Variants in PHLDB3 observed in about 807,000 individuals in gnomAD.
The protein encoded by PHLDB3 is pleckstrin homology-like domain family B member 3.
PHLDB3 carries 86 observed loss-of-function variants against 85.7 expected under a neutral mutation model. The observed-to-expected ratio is 1.00, with a 90% CI of 0.84 to 1.20. The LOEUF (loss-of-function observed/expected upper bound fraction) is 1.20, where lower values mean the gene tolerates loss of function less well. PHLDB3 is among the 50% of genes most tolerant of loss of function. The probability of loss-of-function intolerance (pLI) is 0.00; values close to 1 mark genes in which losing one functional copy is unlikely to be tolerated. For synonymous variants in PHLDB3, 376 were observed against 349.8 expected, an observed-to-expected ratio of 1.07 and a Z score of -0.83; for missense variants, 995 against 873.0, an observed-to-expected ratio of 1.14 and a Z score of -1.76.
intron 15 of PHLDB3, among the ~76,000 whole-genome samples, chr19:43,476,460 CAG>C (rs1325929565): frequency 3.3e-5 from 5 of 152,006 alleles, no homozygotes; most frequent in African/African-American, 4.8e-5. Context: ...GCCTGGGCAA[CAG>C]AGGGAGACCC....
intron 9 of PHLDB3, among the ~76,000 whole-genome samples, chr19:43,493,976 G>A (rs1008719537): frequency 1.3e-5 from 2 of 152,196 alleles, no homozygotes; most frequent in African/African-American, 4.8e-5. Context: ...CATTTCCTTG[G>A]AGTATCATGT....
chr19:43,491,948 T>G (rs12984594), intron 9 of PHLDB3, among the ~76,000 whole-genome samples: 3,532 of 56,318 alleles, frequency 0.063, 340 homozygotes, highest in African/African-American at 0.19. Context: ...CCTGGCCGTT[T>G]TTTTTTTTTT....
At chr19:43,502,644 G>T (rs546373276) in intron 2 of PHLDB3, among the ~76,000 whole-genome samples, 8 of 142,222 alleles carry the variant, frequency 5.6e-5, no homozygotes, top group Non-Finnish European at 1.1e-4. Context: ...TTGGCAGAGA[G>T]GGGGCGATGC....
In PHLDB3 at chr19:43,497,818, C is replaced by A. The variant is rs146405145; in HGVS notation, c.593G>T (p.Arg198Leu). The A allele has an allele frequency of 6.4e-7, 1 of 1,565,162 alleles. No homozygotes were observed. The change falls in exon 5 of 16, where the codon CGC becomes CTC. Residue 198 changes from arginine to leucine, a missense_variant. Physicochemically the swap from Arg to Leu is moderately radical, Grantham distance 102. Transcript: ENST00000292140. ...TGAGTCGAGCTGTCCCTGGGCCTTGCGGAGTCTCTGGCGAAGACCCTCTAG... is the reference window on the plus strand; with the variant it reads ...TGAGTCGAGCTGTCCCTGGGCCTTGAGGAGTCTCTGGCGAAGACCCTCTAG... ...DRLEGLRQRL[R>L]KAQGQLDSQP...
At chr19:43,486,422 C>T (rs1056073940) in intron 12 of PHLDB3, 100 bp from the exon 13 acceptor site, 11 of 1,310,862 alleles carry the variant, frequency 8.4e-6, no homozygotes, top group African/African-American at 1.5e-5. Flanking sequence ...GGTACAGGGA[C>T]TGGGGGCCTG....
chr19:43,495,044 G>GAGGGGC (rs1303046918), intron 8 of PHLDB3, among the ~76,000 whole-genome samples: 10 of 151,558 alleles, frequency 6.6e-5, no homozygotes, highest in Admixed American at 6.6e-4. Flanking sequence ...TCTGAGGGAG[G>GAGGGGC]TGGGGCTGGG....
intron 13 of PHLDB3, among the ~76,000 whole-genome samples, chr19:43,485,204 G>A (rs951090459): frequency 3.3e-5 from 5 of 151,178 alleles, no homozygotes; most frequent in African/African-American, 9.7e-5. Context: ...TATTTCTATC[G>A]TAAAAAGGTT....
At chr19:43,491,862 G>T (rs1191663835) in intron 9 of PHLDB3, among the ~76,000 whole-genome samples, 1 of 151,486 alleles carries the variant, frequency 6.6e-6, no homozygotes, top group African/African-American at 2.4e-5. Flanking sequence ...AGCCAGGCTG[G>T]TCTCGATCTC....
chr19:43,489,815 T>A (rs2145919389), intron 9 of PHLDB3, among the ~76,000 whole-genome samples: 1 of 152,072 alleles, frequency 6.6e-6, no homozygotes, highest in South Asian at 2.1e-4. Context: ...GAGACCAGCC[T>A]GGCCAACATG....
intron 6 of PHLDB3, 151 bp downstream of exon 6, chr19:43,496,967 C>T: frequency 2.7e-6 from 3 of 1,127,816 alleles, no homozygotes; most frequent in Non-Finnish European, 2.3e-6. Context: ...ATATCTGGCA[C>T]ATAGTAAATG....
At chr19:43,485,794 C>A (rs1007091852) in intron 13 of PHLDB3, among the ~76,000 whole-genome samples, 2 of 152,020 alleles carry the variant, frequency 1.3e-5, no homozygotes, top group Non-Finnish European at 2.9e-5. Context: ...GGTGATCCAC[C>A]CGCCTTGGCC....
At position 43,486,789 on chromosome 19, in the gene PHLDB3, C is replaced by G; in HGVS notation, c.1331G>C (p.Arg444Pro). Residue 444 changes from arginine to proline, a missense_variant, in exon 11 of 16, where the codon CGT (arginine) becomes CCT (proline). Arg to Pro is a moderately radical substitution (Grantham distance 103). Transcript: ENST00000292140. Reference sequence around the variant, plus strand: ...CTCTCTGATGTCTCACCTATTCCCACGGCCACAGTTCAGCAGCTGGTAGAG... The same window carrying G: ...CTCTCTGATGTCTCACCTATTCCCAGGGCCACAGTTCAGCAGCTGGTAGAG... Reference protein sequence around the residue: ...YPLYQLLNCGRGNSCGAIHPD... With the variant: ...YPLYQLLNCGPGNSCGAIHPD... The G allele has an allele frequency of 6.2e-7, 1 of 1,601,546 alleles. No homozygotes were observed. Among genetic ancestry groups the G allele is most frequent in the Non-Finnish European group, 8.5e-7 (1 of 1,172,486 alleles).
chr19:43,475,598 T>G, intron 15 of PHLDB3, 54 bp from the exon 16 acceptor site: 1 of 1,609,308 alleles, frequency 6.2e-7, no homozygotes, highest in South Asian at 1.1e-5. Flanking sequence ...GGCCACAGTC[T>G]GGGTGCGAAC....
rs558793788 is a variant in PHLDB3 at position 43,486,990 on chromosome 19, G to A, written c.1249+34C>T. 5.3e-6 allele frequency: 8 copies of A among 1,507,794 alleles called. No individual in the cohort carries two copies. The South Asian group carries it at 9.4e-5, about 18-fold the overall frequency. The allele number at this position is 1,507,794 out of a possible 1,614,324, so 93.4% of individuals were successfully genotyped here. On this transcript the variant is annotated intron_variant, in intron 10 of 15. Transcript: ENST00000292140. ...CCTCTGCTGCAGGATGAGTGCTGAT[G>A]TGGGAAGGAAGTGGGGAACAGGGGG...
chr19:43,487,069 C>T lies in PHLDB3; in HGVS notation c.1204G>A (p.Gly402Arg), dbSNP rs190846770. ...GGTCGGGGGGATCCTCTCTGGCTCCCCCTCTCCCCCCTTTTCCGGGGCAGG... is the reference window on the plus strand; with the variant it reads ...GGTCGGGGGGATCCTCTCTGGCTCCTCCTCTCCCCCCTTTTCCGGGGCAGG... ...GSLPRKRGER[G>R]SQRGSPRPLS... The change falls in exon 10 of 16, where the codon GGG becomes AGG. Residue 402 changes from glycine to arginine, a missense_variant. Gly to Arg is a moderately radical substitution (Grantham distance 125). Transcript: ENST00000292140. 4.4e-4 allele frequency: 689 copies of T among 1,578,550 alleles called. No homozygotes were observed. The highest frequency in any genetic ancestry group is 5.6e-4 in the Non-Finnish European group (647 of 1,163,000).
chr19:43,495,976 G>C, intron 6 of PHLDB3: 1 of 187,210 alleles, frequency 5.3e-6, no homozygotes, highest in Non-Finnish European at 1.1e-5. Context: ...AGAGGAAAAA[G>C]ATCCAGAAGC....
In PHLDB3 at chr19:43,490,177, G is replaced by A. The variant is rs191155201; in HGVS notation, c.1150-3054C>T. Among the ~76,000 whole-genome samples the A allele has an allele frequency of 3.1e-3, 466 of 152,034 alleles. 6 individuals carry two copies. The highest frequency in any genetic ancestry group is 1.0e-2 in the African/African-American group (414 of 41,482). ...GTCTCAGTGGTAGTTTCCTGAAATC[G>A]ATCATTGAACTGTGGTTGTGTAAGA... On this transcript the variant is annotated intron_variant, in intron 9 of 15. Transcript: ENST00000292140.
chr19:43,486,483 G>C (rs898741859), intron 12 of PHLDB3, 126 bp downstream of exon 12: 1 of 1,317,906 alleles, frequency 7.6e-7, no homozygotes. Context: ...TCCTGGGTCT[G>C]AGGGTGGAGG....
chr19:43,504,147 G>A lies in PHLDB3; in HGVS notation c.-14-15C>T, dbSNP rs1395660964. 3.2e-6 allele frequency: 5 copies of A among 1,555,798 alleles called. No individual in the cohort carries two copies. Among genetic ancestry groups the A allele is most frequent in the East Asian group, 4.8e-5 (2 of 41,794 alleles). The stretch of plus-strand genomic sequence containing the variant: ...CGCTGGGACTCCTGCGGGGTGGGCG[G>A]GACCAGAAGCTCCGGGGGCGGGGCC... On this transcript the variant is annotated splice_polypyrimidine_tract_variant and intron_variant, in intron 1 of 15. Coordinates refer to ENST00000292140, the MANE Select transcript of PHLDB3 (RefSeq NM_198850.4).
Sources: gnomAD v4.1 joint callset for allele counts (sites outside exome capture counted in the v4.1 genomes callset) on GRCh38, gnomAD v4.1.1 for gene constraint, MANE v1.5 for transcripts, NCBI Gene and HGNC (gene_info 2026-07-23, HGNC 2026-07-21) for gene names.